Variants in ADRA1A observed in about 807,000 individuals in gnomAD.
The protein encoded by ADRA1A is adrenoceptor alpha 1A, also known as alpha-1A adrenergic receptor.
Under a neutral mutation model 29.6 loss-of-function variants are expected in ADRA1A, and 31 were observed. The observed-to-expected ratio is 1.05, with a 90% CI of 0.79 to 1.41. The LOEUF (loss-of-function observed/expected upper bound fraction) is 1.41. Among genes scored for constraint, ADRA1A ranks in the 40% most tolerant of loss-of-function variants. The probability of loss-of-function intolerance (pLI) is 0.00; values close to 1 mark genes in which losing one functional copy is unlikely to be tolerated. For missense variants in ADRA1A, 619 were observed against 601.1 expected (o/e 1.03, Z -0.31); for synonymous variants, 311 against 254.3 (o/e 1.22, Z -2.12).
exon 3 of ADRA1A, chr8:26,748,738 C>A (rs61759694): frequency 0.069 from 24,842 of 361,882 alleles, 922 homozygotes; most frequent in Middle Eastern, 0.098. Context: ...GGTGACAGAG[C>A]GAGACTTCGT....
At chr8:26,791,290 T>G (rs111415146) in intron 2 of ADRA1A, among the ~76,000 whole-genome samples, 63 of 152,308 alleles carry the variant, frequency 4.1e-4, no homozygotes, top group African/African-American at 1.5e-3. Flanking sequence ...AATATTTGTG[T>G]GGATAGATTT....
chr8:26,812,789 C>A (rs990022238), intron 2 of ADRA1A, among the ~76,000 whole-genome samples: 1 of 151,672 alleles, frequency 6.6e-6, no homozygotes, highest in African/African-American at 2.4e-5. Flanking sequence ...CTCAGCCTCC[C>A]GAGTAGCTGG....
intron 2 of ADRA1A, among the ~76,000 whole-genome samples, chr8:26,852,716 G>T (rs1476527453): frequency 6.6e-6 from 1 of 152,096 alleles, no homozygotes; most frequent in Non-Finnish European, 1.5e-5. Flanking sequence ...ATGTTTTATA[G>T]GCAAGTTTTT....
chr8:26,842,859 CTCTT>C lies in ADRA1A; in HGVS notation c.883+21224_883+21227del, dbSNP rs1811927875. Among the ~76,000 whole-genome samples the C allele has an allele frequency of 2.3e-5, 3 of 129,080 alleles. No homozygotes were observed. The South Asian group carries it at 7.5e-4, about 32-fold the overall frequency. The allele number at this position is 129,080 out of a possible 152,430, so 84.7% of individuals were successfully genotyped here. A position where few individuals can be genotyped will look rare whatever the true frequency, so the allele number is the denominator to read the frequency against. On this transcript the variant is annotated intron_variant, in intron 2 of 2. Transcript: ENST00000380573. The stretch of plus-strand genomic sequence containing the variant: ...TCCATGACTCTCTCTCTCCCTCTCT[CTCTT>C]TCTACACACACACACACACACACAC...
intron 2 of ADRA1A, among the ~76,000 whole-genome samples, chr8:26,851,727 G>T (rs970878436): frequency 3.3e-5 from 5 of 152,096 alleles, no homozygotes; most frequent in African/African-American, 1.2e-4. Context: ...GATCTTTTAT[G>T]CATGAAGCAA....
Position 26,806,678 on chromosome 8 carries a change from C to T in ADRA1A, c.884-36012G>A, listed in dbSNP as rs1404496281. Among the ~76,000 whole-genome samples, 5 of 152,040 alleles carry T rather than the reference C, an allele frequency of 3.3e-5. No homozygotes were observed. Among genetic ancestry groups the T allele is most frequent in the African/African-American group, 9.7e-5 (4 of 41,428 alleles). ...TCGCCAGAGAGTCCGAGGTTTCTCC[C>T]TAAGTCTCTTTACTCTGGCTTAACC... On this transcript the variant is annotated intron_variant, in intron 2 of 2. Transcript: ENST00000380573. The surrounding 1 kb of genome is among the most constrained non-coding windows in gnomAD (Gnocchi z 4.6).
chr8:26,766,001 C>G, downstream of ADRA1A: 1 of 1,609,974 alleles, frequency 6.2e-7, no homozygotes, highest in Non-Finnish European at 8.5e-7. Context: ...GCCATAGCTT[C>G]CAGCTGACTC....
At chr8:26,752,139 C>A (rs942750921), downstream of ADRA1A, among the ~76,000 whole-genome samples, 1 of 152,152 alleles carries the variant, frequency 6.6e-6, no homozygotes, top group Non-Finnish European at 1.5e-5. Context: ...GATTCAAACC[C>A]AGGCAGTTTG....
intron 2 of ADRA1A, among the ~76,000 whole-genome samples, chr8:26,757,875 ACACT>A (rs72371063): frequency 0.4 from 60,667 of 151,692 alleles, 12,211 homozygotes; most frequent in Middle Eastern, 0.53. Flanking sequence ...ACACAGGCAG[ACACT>A]CACACCTTTT....
intron 2 of ADRA1A, among the ~76,000 whole-genome samples, chr8:26,759,855 A>G (rs1355344242): frequency 2.0e-5 from 3 of 152,258 alleles, no homozygotes; most frequent in African/African-American, 7.2e-5. Flanking sequence ...TTGGGCTTGA[A>G]AAGACAGAAT....
At chr8:26,810,023 G>T (rs1169602587) in intron 2 of ADRA1A, among the ~76,000 whole-genome samples, 2 of 152,186 alleles carry the variant, frequency 1.3e-5, no homozygotes, top group Admixed American at 1.3e-4. Context: ...CTAAGAGGGA[G>T]ATCTGCCCTT....
intron 2 of ADRA1A, among the ~76,000 whole-genome samples, chr8:26,800,030 T>G (rs146776646): frequency 0.017 from 2,631 of 152,108 alleles, 66 homozygotes; most frequent in African/African-American, 0.057. Flanking sequence ...AGGCTGAGGA[T>G]TGTGGATCAC....
At chr8:26,774,142 G>A (rs61760527) in intron 2 of ADRA1A, among the ~76,000 whole-genome samples, 1 of 152,220 alleles carries the variant, frequency 6.6e-6, no homozygotes, top group Non-Finnish European at 1.5e-5. Context: ...TATTAAGTGT[G>A]TGACAGCAGC....
chr8:26,750,406 T>C (rs1804870166), intron 2 of ADRA1A, among the ~76,000 whole-genome samples: 1 of 152,128 alleles, frequency 6.6e-6, no homozygotes, highest in Non-Finnish European at 1.5e-5. Flanking sequence ...TTCACCATGT[T>C]GCCCAGGCTG....
At chr8:26,800,252 C>G (rs372217496) in intron 2 of ADRA1A, among the ~76,000 whole-genome samples, 1 of 151,090 alleles carries the variant, frequency 6.6e-6, no homozygotes, top group Non-Finnish European at 1.5e-5. Context: ...GAGTGAGACT[C>G]GGTCTCAAAA....
At chr8:26,842,887 ACACACACAC>A (rs1811933928) in intron 2 of ADRA1A, among the ~76,000 whole-genome samples, 4 of 151,274 alleles carry the variant, frequency 2.6e-5, no homozygotes, top group African/African-American at 4.9e-5. Flanking sequence ...ACACACACAC[ACACACACAC>A]ACACACACAC....
intron 2 of ADRA1A, among the ~76,000 whole-genome samples, chr8:26,795,694 C>G (rs1246003024): frequency 6.6e-6 from 1 of 151,964 alleles, no homozygotes; most frequent in African/African-American, 2.4e-5. Context: ...ACCATCTAAG[C>G]ATTAGTTTTA....
At chr8:26,822,185 G>C (rs927405397) in intron 2 of ADRA1A, among the ~76,000 whole-genome samples, 2 of 152,198 alleles carry the variant, frequency 1.3e-5, no homozygotes, top group Non-Finnish European at 2.9e-5. Flanking sequence ...CCAAAGTATG[G>C]TATCGTGGTT....
chr8:26,764,828 G>C (rs1471493333), downstream of ADRA1A, among the ~76,000 whole-genome samples: 2 of 152,170 alleles, frequency 1.3e-5, no homozygotes, highest in African/African-American at 4.8e-5. Flanking sequence ...TCCGGCTTTT[G>C]AAGAAGCCAG....
Sources: allele counts gnomAD v4.1 joint callset (sites outside exome capture counted in the v4.1 genomes callset), GRCh38; gene constraint gnomAD v4.1.1; non-coding constraint Gnocchi (gnomAD v3.1); transcripts MANE v1.5; gene names NCBI Gene and HGNC (gene_info 2026-07-23, HGNC 2026-07-21).